Variants in MON2 observed in about 807,000 individuals in gnomAD.
MON2 encodes protein MON2 homolog.
MON2 carries 84 observed loss-of-function variants against 208.6 expected under a neutral mutation model. The observed-to-expected ratio is 0.40, with a 90% CI of 0.34 to 0.48. The LOEUF (loss-of-function observed/expected upper bound fraction) is 0.48, where lower values mean the gene tolerates loss of function less well. MON2 is among the 20% of genes least tolerant of loss of function. The pLI is 0.59. For missense variants in MON2, 1,611 were observed against 2,015.4 expected, an observed-to-expected ratio of 0.80 and a Z score of 3.84; for synonymous variants, 660 against 694.0, an observed-to-expected ratio of 0.95 and a Z score of 0.77.
Position 62,556,196 on chromosome 12 carries a change from T to C in MON2, c.3409+4T>C. On this transcript the variant is annotated splice_donor_region_variant and intron_variant, in intron 25 of 34. Transcript: ENST00000393630. ...AGATATTTGCTGCAGCCTTTAGGTA[T>C]ACGTACATTTTTTTCTGATTATACA... The C allele has an allele frequency of 6.2e-7, 1 of 1,612,684 alleles. No homozygotes were observed. The highest frequency in any genetic ancestry group is 8.5e-7 in the Non-Finnish European group (1 of 1,179,398).
In MON2 at chr12:62,555,783, T is replaced by C. The variant is rs1296878367; in HGVS notation, c.3211-211T>C. On this transcript the variant is annotated intron_variant, in intron 24 of 34. Coordinates refer to ENST00000393630, the MANE Select transcript of MON2 (RefSeq NM_015026.3). ...GAGATTGTGCCATTGCACTCCAGCC[T>C]GGATGATAGAGTGAGACTCCATCTA... Among the ~76,000 whole-genome samples, 7 of 143,606 alleles carry C rather than the reference T, an allele frequency of 4.9e-5. No individual in the cohort carries two copies. In the Admixed American group the frequency reaches 5.1e-4, roughly 10 times the overall value. The allele number at this position is 143,606 out of a possible 152,430, so 94.2% of individuals were successfully genotyped here.
chr12:62,489,937 AT>A, intron 2 of MON2: 2 of 610,534 alleles, frequency 3.3e-6, no homozygotes, highest in Non-Finnish European at 4.7e-6. Flanking sequence ...ATTGAAGTTT[AT>A]TTTTTAATGG....
At chr12:62,549,624 ATAAAT>A (rs1652979266) in intron 22 of MON2, 39 bp from the exon 23 acceptor site, 1 of 1,512,228 alleles carries the variant, frequency 6.6e-7, no homozygotes. Flanking sequence ...AAATAAATAA[ATAAAT>A]AAAATAAGTG....
In MON2 at chr12:62,495,276, T is replaced by C. The variant is rs748624230; in HGVS notation, c.435+129T>C. The C allele has an allele frequency of 1.2e-5, 9 of 763,204 alleles. No homozygotes were observed. In the Admixed American group the frequency reaches 1.7e-4, roughly 14 times the overall value. 47.3% of individuals were successfully genotyped at this position (763,204 alleles called of 1,614,324 possible). A position where few individuals can be genotyped will look rare whatever the true frequency, so the allele number is the denominator to read the frequency against. On this transcript the variant is annotated intron_variant, in intron 4 of 34. Coordinates refer to ENST00000393630, the MANE Select transcript of MON2 (RefSeq NM_015026.3). Reference sequence around the variant, plus strand: ...CCTACAGCTATGGTGATGATTGACATTGCATGTTAATAACTGTTGGTACCT... The same window carrying C: ...CCTACAGCTATGGTGATGATTGACACTGCATGTTAATAACTGTTGGTACCT...
At chr12:62,573,410 G>A (rs879462270) in intron 30 of MON2, among the ~76,000 whole-genome samples, 1 of 75,654 alleles carries the variant, frequency 1.3e-5, no homozygotes, top group Non-Finnish European at 2.7e-5. Flanking sequence ...TTTTTTTTTT[G>A]CAATGAGTAA....
At position 62,488,485 on chromosome 12, in the gene MON2, T is replaced by C. The variant is rs570150658; in HGVS notation, c.175+4252T>C. ...GGGGGAATAGGTGTCAGGAATTTCA[T>C]AGGGGCCATTATGTGATATCCTGAG... is the stretch of plus-strand genomic sequence containing the variant. On this transcript the variant is annotated intron_variant, in intron 2 of 34. Coordinates refer to ENST00000393630, the MANE Select transcript of MON2 (RefSeq NM_015026.3). Among the ~76,000 whole-genome samples the C allele has an allele frequency of 5.3e-5, 8 of 152,260 alleles. No individual in the cohort carries two copies. The East Asian group carries it at 1.2e-3, about 22-fold the overall frequency.
rs1428728456 is a variant in MON2 at position 62,546,877 on chromosome 12, G to A, written c.2578-20G>A. ...CTTTTTGGACTTCTCTTCCTAATTA[G>A]TTTCTTGCCCCCTTTTCAGAGGCTG... On this transcript the variant is annotated intron_variant, in intron 21 of 34. Transcript: ENST00000393630. The A allele has an allele frequency of 2.6e-6, 4 of 1,567,590 alleles. No homozygotes were observed. In the East Asian group the frequency reaches 9.4e-5, roughly 37 times the overall value.
chr12:62,512,665 C>T (rs367706794), intron 8 of MON2, among the ~76,000 whole-genome samples: 1 of 152,306 alleles, frequency 6.6e-6, no homozygotes, highest in East Asian at 1.9e-4. Flanking sequence ...ATCTGTCATT[C>T]TGGTGTCTGG....
At chr12:62,581,573 A>G (rs959135931) in intron 32 of MON2, among the ~76,000 whole-genome samples, 4 of 152,132 alleles carry the variant, frequency 2.6e-5, no homozygotes, top group African/African-American at 9.7e-5. Flanking sequence ...ATATGTATAT[A>G]TGATTTAAAA....
rs1339869591 is a variant in MON2 at position 62,599,972 on chromosome 12, G to A, written c.*7223G>A. The A allele has an allele frequency of 4.6e-5, 7 of 152,184 alleles. No individual in the cohort carries two copies. Among genetic ancestry groups the A allele is most frequent in the Non-Finnish European group, 8.8e-5 (6 of 68,018 alleles). 9.4% of individuals were successfully genotyped at this position (152,184 alleles called of 1,614,324 possible). On this transcript the variant is annotated 3_prime_UTR_variant, in exon 35 of 35. Transcript: ENST00000393630. ...TATCTATTTAAAACATATGTTGTGT[G>A]TTTTAAGAAGTTATGTTATAAATAA...
rs148273322 is a variant in MON2, at chr12:62,544,258, A to G, written c.2467-640A>G. On this transcript the variant is annotated intron_variant, in intron 20 of 34. Coordinates refer to ENST00000393630, the MANE Select transcript of MON2 (RefSeq NM_015026.3). Reference sequence around the variant, plus strand: ...CCAGGAGTTCAAGACCAGCCTGGGCAACATAGGGAGACACCATTTCTACAA... The same window carrying G: ...CCAGGAGTTCAAGACCAGCCTGGGCGACATAGGGAGACACCATTTCTACAA... Among the ~76,000 whole-genome samples the G allele has an allele frequency of 2.5e-3, 387 of 152,246 alleles. 2 individuals are homozygous for G. Among genetic ancestry groups the G allele is most frequent in the African/African-American group, 8.7e-3 (363 of 41,540 alleles).
intron 30 of MON2, among the ~76,000 whole-genome samples, chr12:62,575,975 C>T (rs1001820799): frequency 2.6e-5 from 4 of 152,018 alleles, no homozygotes; most frequent in Non-Finnish European, 5.9e-5. Context: ...CATGTTTACA[C>T]AAAAACTTGT....
intron 26 of MON2, 190 bp from the exon 27 acceptor site, chr12:62,565,047 A>C: frequency 2.0e-6 from 1 of 502,260 alleles, no homozygotes; most frequent in Non-Finnish European, 3.4e-6. Context: ...TTAGCTGATT[A>C]ACAGTTTCAG....
At chr12:62,495,613 T>C (rs569613062) in intron 4 of MON2, among the ~76,000 whole-genome samples, 8 of 142,112 alleles carry the variant, frequency 5.6e-5, no homozygotes, top group Non-Finnish European at 1.1e-4. Flanking sequence ...TGGCGTGAAC[T>C]CAGGAGGCAG....
chr12:62,597,941 T>A lies in MON2; in HGVS notation c.*5192T>A, dbSNP rs1358366769. 1 of 151,234 alleles carries A rather than the reference T, an allele frequency of 6.6e-6. No individual in the cohort carries two copies. Among genetic ancestry groups the A allele is most frequent in the Admixed American group, 6.6e-5 (1 of 15,160 alleles). The allele number at this position is 151,234 out of a possible 1,614,324, so 9.4% of individuals were successfully genotyped here. ...TTTGGTTTTTTATGATTTTGGGGGG[T>A]GGGGGAGATATTTGTTTTTTTGAGG... On this transcript the variant is annotated 3_prime_UTR_variant, in exon 35 of 35. Coordinates refer to ENST00000393630, the MANE Select transcript of MON2 (RefSeq NM_015026.3).
intron 1 of MON2, among the ~76,000 whole-genome samples, chr12:62,481,511 G>C (rs1490214148): frequency 1.2e-5 from 1 of 82,988 alleles, no homozygotes; most frequent in Admixed American, 1.5e-4. Context: ...GCGAGACTCC[G>C]TCTCAAAAAA....
Position 62,473,208 on chromosome 12 carries a change from T to G in MON2, c.111+5890T>G, listed in dbSNP as rs368142909. ...GTTGCCTTCCCACTAGGCTTGGAACTTTGCATCCTTAGACTCTAATGCAAC... is the reference window on the plus strand; with the variant it reads ...GTTGCCTTCCCACTAGGCTTGGAACGTTGCATCCTTAGACTCTAATGCAAC... On this transcript the variant is annotated intron_variant, in intron 1 of 34. Transcript: ENST00000393630. Among the ~76,000 whole-genome samples the G allele has an allele frequency of 5.3e-5, 8 of 152,356 alleles. No individual in the cohort carries two copies. In the South Asian group the frequency reaches 8.3e-4, roughly 16 times the overall value.
intron 30 of MON2, among the ~76,000 whole-genome samples, chr12:62,577,539 C>A (rs560387815): frequency 6.6e-6 from 1 of 152,098 alleles, no homozygotes; most frequent in Non-Finnish European, 1.5e-5. Context: ...ATTTTTACAT[C>A]TACAACATAA....
At chr12:62,570,722 CTTTTTTTTTTTTTTTTTTTT>C (rs1192680038) in intron 29 of MON2, among the ~76,000 whole-genome samples, 1 of 70,814 alleles carries the variant, frequency 1.4e-5, no homozygotes, top group Non-Finnish European at 2.6e-5. Flanking sequence ...TTTTCTTTTT[CTTTTTTTTTTTTTTTTTTTT>C]TTTTTTTTTG....
Sources: gnomAD v4.1 joint callset for allele counts (sites outside exome capture counted in the v4.1 genomes callset) on GRCh38, gnomAD v4.1.1 for gene constraint, MANE v1.5 for transcripts, NCBI Gene and HGNC (gene_info 2026-07-23, HGNC 2026-07-21) for gene names.